Variants in TLE4 observed in about 807,000 individuals in gnomAD.
The protein encoded by TLE4 is TLE family member 4, transcriptional corepressor.
A neutral mutation model predicts 92.8 loss-of-function variants in TLE4; 8 were observed. The ratio of observed to expected loss-of-function variants is 0.09; its 90% confidence interval spans 0.05 to 0.16. TLE4 has a LOEUF of 0.16. Ranked by LOEUF, TLE4 falls within the 10% of genes least tolerant of loss-of-function variation. The probability of loss-of-function intolerance (pLI) is 1.00; values close to 1 mark genes in which losing one functional copy is unlikely to be tolerated. For missense variants in TLE4, 675 were observed against 997.6 expected, an observed-to-expected ratio of 0.68 and a Z score of 4.36; for synonymous variants, 371 against 374.1, an observed-to-expected ratio of 0.99 and a Z score of 0.10.
chr9:79,707,999 C>T, intron 11 of TLE4, 119 bp from the exon 12 acceptor site: 2 of 1,062,400 alleles, frequency 1.9e-6, no homozygotes, highest in Non-Finnish European at 2.7e-6. Flanking sequence ...AATCAAGGCC[C>T]AAGCTGAAGA....
chr9:79,678,430 G>C (rs1055272459), intron 8 of TLE4, among the ~76,000 whole-genome samples: 1 of 151,590 alleles, frequency 6.6e-6, no homozygotes, highest in Non-Finnish European at 1.5e-5. Context: ...TTTTAAATCA[G>C]AGAAAAATAA....
At chr9:79,607,686 T>C (rs2132888720) in intron 4 of TLE4, among the ~76,000 whole-genome samples, 1 of 152,268 alleles carries the variant, frequency 6.6e-6, no homozygotes, top group East Asian at 1.9e-4. Context: ...TGGTTGGTTA[T>C]AGGTGTGTGG....
chr9:79,720,085 G>C lies in TLE4; in HGVS notation c.1630G>C (p.Asp544His), dbSNP rs1350400905. 3 of 1,613,804 alleles carry C rather than the reference G, an allele frequency of 1.9e-6. No homozygotes were observed. Among genetic ancestry groups the C allele is most frequent in the African/African-American group, 1.3e-5 (1 of 75,014 alleles). Residue 544 changes from aspartate to histidine, a missense_variant, in exon 16 of 20, where the codon GAT (aspartate) becomes CAT (histidine). Physicochemically the swap from Asp to His is moderately conservative, Grantham distance 81. This residue lies in a region of TLE4 where 170 missense variants were observed against 359.6 expected (regional missense o/e 0.47). Transcript: ENST00000376552. ...CATCCGTTCCTGCAGATTGCTCCCT[G>C]ATGGTCGCACCCTAATTGTTGGAGG... ...NYIRSCRLLP[D>H]GRTLIVGGEA... is the part of the protein sequence containing the mutation.
At chr9:79,696,785 T>C (rs1407070043) in intron 8 of TLE4, among the ~76,000 whole-genome samples, 5 of 152,226 alleles carry the variant, frequency 3.3e-5, no homozygotes, top group African/African-American at 1.2e-4. Context: ...TCTGAGCTGT[T>C]ACCCTACTTC....
intron 4 of TLE4, among the ~76,000 whole-genome samples, chr9:79,596,526 C>T (rs2044062178): frequency 6.6e-6 from 1 of 152,202 alleles, no homozygotes; most frequent in South Asian, 2.1e-4. Context: ...ACCAGTGAGT[C>T]TGGCATCCCC....
intron 4 of TLE4, among the ~76,000 whole-genome samples, chr9:79,585,426 T>C (rs756225213): frequency 3.3e-4 from 50 of 152,208 alleles, no homozygotes; most frequent in Non-Finnish European, 4.7e-4. Context: ...TACTCCACCA[T>C]CAGCATACTT....
chr9:79,591,697 G>A, intron 4 of TLE4, among the ~76,000 whole-genome samples: 1 of 152,172 alleles, frequency 6.6e-6, no homozygotes, highest in Non-Finnish European at 1.5e-5. Flanking sequence ...GAATCCCTAT[G>A]ACTTGACATT....
chr9:79,714,768 G>T (rs1021259461), intron 14 of TLE4, among the ~76,000 whole-genome samples: 1 of 152,184 alleles, frequency 6.6e-6, no homozygotes, highest in Non-Finnish European at 1.5e-5. Flanking sequence ...TTAGCATGAC[G>T]TTTGCGTCAG....
In TLE4 at chr9:79,704,883, A is replaced by G; in HGVS notation, c.710A>G (p.Lys237Arg). 1.9e-6 allele frequency: 3 copies of G among 1,614,142 alleles called. No homozygotes were observed. Among genetic ancestry groups the G allele is most frequent in the Non-Finnish European group, 2.5e-6 (3 of 1,179,996 alleles). The change falls in exon 9 of 20, where the codon AAG (lysine) becomes AGG (arginine). Residue 237 changes from lysine (K) to arginine (R), a missense_variant. Coordinates refer to ENST00000376552, the MANE Select transcript of TLE4 (RefSeq NM_007005.6). ...AGCAAAAAGCAGAAAACTGAAGAAAAGGAAATTGCAGCTCGTTATGTAAGT... is the reference window on the plus strand; with the variant it reads ...AGCAAAAAGCAGAAAACTGAAGAAAGGGAAATTGCAGCTCGTTATGTAAGT... ...SESKKQKTEEKEIAARYDSDG... is the reference protein window; with the variant it reads ...SESKKQKTEEREIAARYDSDG...
chr9:79,613,672 G>A (rs1362869893), intron 5 of TLE4, among the ~76,000 whole-genome samples: 1 of 152,184 alleles, frequency 6.6e-6, no homozygotes, highest in Non-Finnish European at 1.5e-5. Context: ...TGTTCTATAA[G>A]TGTGTTGTGT....
chr9:79,606,197 T>G (rs984412550), intron 4 of TLE4, among the ~76,000 whole-genome samples: 3 of 77,736 alleles, frequency 3.9e-5, no homozygotes, highest in Admixed American at 1.6e-4. Context: ...GTTTTTTTTT[T>G]TTTTTTTTTT....
intron 6 of TLE4, among the ~76,000 whole-genome samples, chr9:79,633,967 T>TCCCTAAGAAA (rs1015232972): frequency 1.3e-5 from 2 of 152,148 alleles, no homozygotes; most frequent in African/African-American, 2.4e-5. Flanking sequence ...TTCTCAAAGC[T>TCCCTAAGAAA]CCCTAAGAAA....
chr9:79,675,318 A>T (rs2063090400), intron 8 of TLE4, among the ~76,000 whole-genome samples: 1 of 152,152 alleles, frequency 6.6e-6, no homozygotes, highest in African/African-American at 2.4e-5. Context: ...CCCTCCAGAA[A>T]AGGACATCTT....
intron 1 of TLE4, chr9:79,573,438 G>T: frequency 8.5e-7 from 1 of 1,173,912 alleles, no homozygotes; most frequent in Non-Finnish European, 1.1e-6. Context: ...GGGGAGACGG[G>T]ACTCGAACCC....
At chr9:79,582,607 T>G (rs1202964919) in intron 4 of TLE4, among the ~76,000 whole-genome samples, 2 of 151,996 alleles carry the variant, frequency 1.3e-5, no homozygotes, top group Non-Finnish European at 1.5e-5. Context: ...AAAAATGCAT[T>G]TATAAGTTAT....
chr9:79,692,122 T>G (rs1041285710), intron 8 of TLE4, among the ~76,000 whole-genome samples: 1 of 152,236 alleles, frequency 6.6e-6, no homozygotes, highest in Non-Finnish European at 1.5e-5. Context: ...TAGAGCACTT[T>G]AGAATTATTT....
intron 4 of TLE4, among the ~76,000 whole-genome samples, chr9:79,601,819 A>T (rs1197231659): frequency 6.6e-6 from 1 of 152,180 alleles, no homozygotes; most frequent in Non-Finnish European, 1.5e-5. Flanking sequence ...TTTAAATCAA[A>T]ATCTAGAAAT....
chr9:79,714,277 A>C lies in TLE4; in HGVS notation c.1341-4445A>C, dbSNP rs190992763. On this transcript the variant is annotated intron_variant, in intron 14 of 19. Transcript: ENST00000376552. Reference sequence around the variant, plus strand: ...TATCCCTCAAAAATCTCTTCAGTCAATTCTGGGAAGGTCTCAGGCTGGCAT... The same window carrying C: ...TATCCCTCAAAAATCTCTTCAGTCACTTCTGGGAAGGTCTCAGGCTGGCAT... Among the ~76,000 whole-genome samples the C allele has an allele frequency of 2.5e-3, 379 of 152,292 alleles. 2 individuals are homozygous for C. Among genetic ancestry groups the C allele is most frequent in the Non-Finnish European group, 1.6e-3 (108 of 68,030 alleles).
At chr9:79,596,310 T>C (rs2044001801) in intron 4 of TLE4, among the ~76,000 whole-genome samples, 1 of 152,144 alleles carries the variant, frequency 6.6e-6, no homozygotes, top group African/African-American at 2.4e-5. Flanking sequence ...TACTACTATA[T>C]ATAAAATTCA....
Sources: gnomAD v4.1 joint callset for allele counts (sites outside exome capture counted in the v4.1 genomes callset) on GRCh38, gnomAD v4.1.1 for gene constraint, gnomAD v4.1.1 regional missense constraint, MANE v1.5 for transcripts, NCBI Gene and HGNC (gene_info 2026-07-23, HGNC 2026-07-21) for gene names.